PRKCE: variants seen among roughly 807,000 people sequenced by gnomAD.
PRKCE encodes the protein protein kinase C epsilon.
PRKCE carries 16 observed loss-of-function variants against 85.4 expected under a neutral mutation model. The ratio of observed to expected loss-of-function variants is 0.19; its 90% CI spans 0.13 to 0.28. The LOEUF is 0.28. Ranked by LOEUF, PRKCE falls within the 10% of genes least tolerant of loss-of-function variation. The pLI is 1.00. For synonymous variants in PRKCE, 388 were observed against 371.5 expected (o/e 1.04, Z -0.51); for missense variants, 573 against 975.2 (o/e 0.59, Z 5.49).
At chr2:45,956,498 T>C (rs1700985068) in intron 2 of PRKCE, among the ~76,000 whole-genome samples, 1 of 150,828 alleles carries the variant, frequency 6.6e-6, no homozygotes, top group Admixed American at 6.6e-5. Flanking sequence ...TGACCAATAA[T>C]GGTGAAACCC....
intron 1 of PRKCE, among the ~76,000 whole-genome samples, chr2:45,707,264 A>G (rs1008747817): frequency 6.6e-6 from 1 of 152,184 alleles, no homozygotes; most frequent in African/African-American, 2.4e-5. Flanking sequence ...CCCATCTGTT[A>G]AATGTGGAGG....
chr2:45,742,709 C>T (rs1207391637), intron 1 of PRKCE, among the ~76,000 whole-genome samples: 1 of 152,158 alleles, frequency 6.6e-6, no homozygotes, highest in Non-Finnish European at 1.5e-5. Flanking sequence ...TAAGTTGGTA[C>T]AACCATTATG....
intron 2 of PRKCE, among the ~76,000 whole-genome samples, chr2:45,966,254 T>G (rs115073071): frequency 9.5e-4 from 145 of 152,352 alleles, no homozygotes; most frequent in South Asian, 4.3e-3. Flanking sequence ...TGATACTTCA[T>G]AGATGTGTAA....
chr2:46,088,388 G>A (rs1467076775), intron 11 of PRKCE, among the ~76,000 whole-genome samples: 1 of 152,138 alleles, frequency 6.6e-6, no homozygotes, highest in Admixed American at 6.5e-5. Flanking sequence ...CCATCAGCCA[G>A]AGTGAGTCCC....
chr2:45,737,459 G>C (rs1682172654), intron 1 of PRKCE, among the ~76,000 whole-genome samples: 1 of 152,224 alleles, frequency 6.6e-6, no homozygotes, highest in Non-Finnish European at 1.5e-5. Context: ...GGTGGGAACA[G>C]TGTCCCCATT....
intron 10 of PRKCE, among the ~76,000 whole-genome samples, chr2:46,055,373 C>A (rs1414827094): frequency 6.6e-6 from 1 of 152,236 alleles, no homozygotes; most frequent in Admixed American, 6.5e-5. Flanking sequence ...TCTGCCCCTG[C>A]CAGCACCGAA....
At chr2:46,135,745 G>GTTT (rs1558491144) in intron 11 of PRKCE, among the ~76,000 whole-genome samples, 1 of 14,904 alleles carries the variant, frequency 6.7e-5, no homozygotes, top group African/African-American at 2.7e-4. Flanking sequence ...AACAAATTAT[G>GTTT]CTTTTTTTTT....
intron 2 of PRKCE, among the ~76,000 whole-genome samples, chr2:45,963,882 G>T (rs968900105): frequency 7.9e-5 from 12 of 152,236 alleles, no homozygotes; most frequent in African/African-American, 2.7e-4. Context: ...CTAAAAAGTT[G>T]GCTCACTGCG....
At chr2:46,052,373 A>T (rs1408225391) in intron 10 of PRKCE, among the ~76,000 whole-genome samples, 1 of 152,260 alleles carries the variant, frequency 6.6e-6, no homozygotes, top group Non-Finnish European at 1.5e-5. Context: ...CAAAGGCAAA[A>T]TTAAGAAAAC....
At chr2:46,134,903 A>T (rs1674804995) in intron 11 of PRKCE, among the ~76,000 whole-genome samples, 1 of 152,264 alleles carries the variant, frequency 6.6e-6, no homozygotes, top group Non-Finnish European at 1.5e-5. Flanking sequence ...TCAGGATTTT[A>T]TCCATGAATA....
intron 2 of PRKCE, among the ~76,000 whole-genome samples, chr2:45,889,480 G>A (rs530315172): frequency 6.9e-6 from 1 of 144,212 alleles, no homozygotes. Context: ...ACTTAACAGA[G>A]TTTGTCTGTG....
rs1407385437 is a variant in PRKCE, at chr2:45,908,975, G to A, written c.412+65912G>A. 3.9e-5 allele frequency among the ~76,000 whole-genome samples: 6 copies of A among 152,260 alleles called. No individual in the cohort carries two copies. In the South Asian group the frequency reaches 8.3e-4, roughly 21 times the overall value. On this transcript the variant is annotated intron_variant, in intron 2 of 14. Coordinates refer to ENST00000306156, the MANE Select transcript of PRKCE (RefSeq NM_005400.3). Reference sequence around the variant, plus strand: ...GTCTAATCGATTGGCCACTCTTTGCGCCACATAAAAATGCGTGACTGAGCC... The same window carrying A: ...GTCTAATCGATTGGCCACTCTTTGCACCACATAAAAATGCGTGACTGAGCC...
chr2:45,823,721 C>T (rs1689719172), intron 1 of PRKCE, among the ~76,000 whole-genome samples: 1 of 152,246 alleles, frequency 6.6e-6, no homozygotes, highest in Admixed American at 6.5e-5. Flanking sequence ...TTCCAGTGTT[C>T]CATACCTGTG....
chr2:45,893,760 C>A (rs972286925), intron 2 of PRKCE, among the ~76,000 whole-genome samples: 5 of 152,170 alleles, frequency 3.3e-5, no homozygotes, highest in Admixed American at 3.3e-4. Flanking sequence ...CCTGCAAATA[C>A]TCACTTGAAC....
At chr2:45,770,578 T>C (rs1345010133) in intron 1 of PRKCE, among the ~76,000 whole-genome samples, 1 of 152,194 alleles carries the variant, frequency 6.6e-6, no homozygotes, top group Non-Finnish European at 1.5e-5. Flanking sequence ...ACAGCCATGG[T>C]ACCGCCCCCC....
chr2:46,038,151 A>G (rs571669651), intron 10 of PRKCE, among the ~76,000 whole-genome samples: 145 of 152,260 alleles, frequency 9.5e-4, no homozygotes, highest in African/African-American at 3.5e-3. Flanking sequence ...TATCTTCTTT[A>G]TAAGCCATTT....
chr2:46,141,913 C>G (rs1353288875), intron 11 of PRKCE, among the ~76,000 whole-genome samples: 1 of 152,162 alleles, frequency 6.6e-6, no homozygotes, highest in East Asian at 1.9e-4. Context: ...CTGCCCGGTT[C>G]TGCCCTGCCA....
At position 45,730,394 on chromosome 2, in the gene PRKCE, G is replaced by A. The variant is rs544862379; in HGVS notation, c.348+77946G>A. On this transcript the variant is annotated intron_variant, in intron 1 of 14. Transcript: ENST00000306156. ...GCTGGTCTCAAACTCCTGGCCTCAA[G>A]TGATCCTCCTACCTTGGCCTCCCAA... Among the ~76,000 whole-genome samples the A allele has an allele frequency of 2.6e-5, 4 of 151,576 alleles. No individual in the cohort carries two copies. The East Asian group carries it at 7.8e-4, about 29-fold the overall frequency.
chr2:46,017,375 G>A (rs963406022), intron 10 of PRKCE, among the ~76,000 whole-genome samples: 4 of 152,150 alleles, frequency 2.6e-5, no homozygotes, highest in Non-Finnish European at 5.9e-5. Flanking sequence ...ATGATGTAAC[G>A]TATGTCATAA....
Sources: gnomAD v4.1 joint callset for allele counts (sites outside exome capture counted in the v4.1 genomes callset) on GRCh38, gnomAD v4.1.1 for gene constraint, MANE v1.5 for transcripts, NCBI Gene and HGNC (gene_info 2026-07-23, HGNC 2026-07-21) for gene names.